KAZN: variants seen among roughly 807,000 people sequenced by gnomAD.
KAZN encodes kazrin.
In KAZN, 40 loss-of-function variants were observed where a neutral mutation model predicts 87.4. The observed-to-expected ratio is 0.46, with a 90% CI of 0.36 to 0.60. The LOEUF is 0.60. Ranked by LOEUF, KAZN falls within the 20% of genes least tolerant of loss-of-function variation. The pLI, the probability that KAZN is intolerant of heterozygous loss-of-function variation, is 0.00. For synonymous variants in KAZN, 466 were observed against 458.3 expected (o/e 1.02, Z -0.22); for missense variants, 898 against 1,073.9 (o/e 0.84, Z 2.29).
intron 1 of KAZN, among the ~76,000 whole-genome samples, chr1:14,105,099 G>A (rs1293564844): frequency 6.6e-6 from 1 of 152,180 alleles, no homozygotes; most frequent in East Asian, 1.9e-4. Flanking sequence ...AGCATTGACT[G>A]TATGCCAGGT....
At chr1:14,555,660 A>T (rs1193473839) in intron 2 of KAZN, among the ~76,000 whole-genome samples, 1 of 152,182 alleles carries the variant, frequency 6.6e-6, no homozygotes, top group Non-Finnish European at 1.5e-5. Context: ...CATTTGCTTT[A>T]TTTTACAAAG....
intron 2 of KAZN, among the ~76,000 whole-genome samples, chr1:14,981,925 C>T (rs1666287132): frequency 6.6e-6 from 1 of 152,146 alleles, no homozygotes; most frequent in Non-Finnish European, 1.5e-5. Context: ...ATCCAGGGCA[C>T]CTTTCTCACT....
intron 6 of KAZN, 99 bp from the exon 7 acceptor site, chr1:15,063,473 G>T (rs764777730): frequency 1.0e-6 from 1 of 1,002,674 alleles, no homozygotes; most frequent in Non-Finnish European, 1.6e-6. Flanking sequence ...CTGAGAGATG[G>T]CATCCTTCCA....
intron 1 of KAZN, among the ~76,000 whole-genome samples, chr1:14,066,137 A>C (rs1323652486): frequency 6.6e-6 from 1 of 152,072 alleles, no homozygotes; most frequent in Non-Finnish European, 1.5e-5. Context: ...GCTACATCCA[A>C]GTTGCTGCAA....
chr1:14,206,009 C>T (rs187889486), intron 2 of KAZN, among the ~76,000 whole-genome samples: 131 of 149,092 alleles, frequency 8.8e-4, no homozygotes, highest in Admixed American at 7.1e-3. Flanking sequence ...TACCCTAAAA[C>T]TTAAAGTATA....
intron 1 of KAZN, among the ~76,000 whole-genome samples, chr1:14,648,035 AAG>A (rs1297563657): frequency 6.6e-6 from 1 of 152,184 alleles, no homozygotes; most frequent in East Asian, 1.9e-4. Context: ...CTGTTGAACT[AAG>A]TTAAGAAGGA....
chr1:14,306,797 C>A (rs1290357538), intron 2 of KAZN, among the ~76,000 whole-genome samples: 3 of 152,180 alleles, frequency 2.0e-5, no homozygotes. Context: ...TCCAAACCAG[C>A]AGCATCTCAA....
intron 1 of KAZN, among the ~76,000 whole-genome samples, chr1:13,983,281 C>T (rs561331980): frequency 9.8e-5 from 15 of 152,326 alleles, no homozygotes; most frequent in East Asian, 3.9e-4. Flanking sequence ...TCAGGCATGG[C>T]GGGCTGCAGG....
intron 1 of KAZN, among the ~76,000 whole-genome samples, chr1:14,818,254 A>G (rs374176037): frequency 1.3e-5 from 2 of 152,258 alleles, no homozygotes; most frequent in South Asian, 4.1e-4. Context: ...ATCATTCACC[A>G]CTAGGTAACC....
intron 2 of KAZN, among the ~76,000 whole-genome samples, chr1:14,432,800 A>G (rs532784813): frequency 3.3e-5 from 5 of 151,478 alleles, no homozygotes; most frequent in East Asian, 3.9e-4. Flanking sequence ...TTCAGTTCCC[A>G]CTTGTAAGTG....
intron 2 of KAZN, among the ~76,000 whole-genome samples, chr1:14,427,653 A>G (rs1665815725): frequency 6.6e-6 from 1 of 152,136 alleles, no homozygotes; most frequent in Non-Finnish European, 1.5e-5. Flanking sequence ...TAGTAAAAAT[A>G]CCAAGTATAA....
chr1:14,832,509 A>G (rs1402030465), intron 1 of KAZN, among the ~76,000 whole-genome samples: 1 of 152,200 alleles, frequency 6.6e-6, no homozygotes, highest in Non-Finnish European at 1.5e-5. Flanking sequence ...GGTCTAGGCT[A>G]AGGGTGTCCA....
At chr1:14,278,491 C>T (rs759922148) in intron 2 of KAZN, among the ~76,000 whole-genome samples, 46 of 151,924 alleles carry the variant, frequency 3.0e-4, no homozygotes, top group Non-Finnish European at 4.4e-4. Context: ...GGTTTTACGA[C>T]GTTGGCCAGG....
chr1:14,416,995 T>C (rs547274331), intron 2 of KAZN, among the ~76,000 whole-genome samples: 1 of 106,736 alleles, frequency 9.4e-6, no homozygotes, highest in African/African-American at 3.3e-5. Flanking sequence ...TATATATGTG[T>C]GTATGTATAT....
At chr1:14,200,422 A>T (rs1312754912) in intron 2 of KAZN, among the ~76,000 whole-genome samples, 1 of 152,198 alleles carries the variant, frequency 6.6e-6, no homozygotes, top group African/African-American at 2.4e-5. Context: ...AGGGGAAAAC[A>T]CTTCCCCATA....
At chr1:14,212,520 A>G (rs1488808451) in intron 2 of KAZN, among the ~76,000 whole-genome samples, 1 of 151,324 alleles carries the variant, frequency 6.6e-6, no homozygotes, top group African/African-American at 2.4e-5. Context: ...TTTTGCTTGG[A>G]TTTGTTTTTA....
intron 8 of KAZN, among the ~76,000 whole-genome samples, chr1:15,091,996 C>G (rs920849219): frequency 7.2e-6 from 1 of 138,850 alleles, no homozygotes; most frequent in Non-Finnish European, 1.5e-5. Flanking sequence ...TTTTTACATT[C>G]TTGTAATGAT....
At position 14,313,598 on chromosome 1, in the gene KAZN, A is replaced by G. The variant is rs149573881; in HGVS notation, c.249+133006A>G. Among the ~76,000 whole-genome samples the G allele has an allele frequency of 3.0e-3, 464 of 152,246 alleles. 4 individuals carry two copies. The highest frequency in any genetic ancestry group is 0.01 in the African/African-American group (423 of 41,542). On this transcript the variant is annotated intron_variant, in intron 2 of 16. Coordinates refer to the KAZN transcript ENST00000636203. ...TTCGATGGAATATCTTGGGTAAGTC[A>G]CTTCACTTTTCTGGGCCAAAGTTTC...
At chr1:14,568,329 G>A (rs1674660913) in intron 2 of KAZN, among the ~76,000 whole-genome samples, 1 of 152,190 alleles carries the variant, frequency 6.6e-6, no homozygotes, top group Admixed American at 6.5e-5. Context: ...CCCCGCTTCA[G>A]AGGAGAACAT....
Sources: allele counts gnomAD v4.1 joint callset (sites outside exome capture counted in the v4.1 genomes callset), GRCh38; gene constraint gnomAD v4.1.1; transcripts MANE v1.5; gene names NCBI Gene and HGNC (gene_info 2026-07-23, HGNC 2026-07-21).